The following SEC24B variants were observed in gnomAD, a reference collection of about 807,000 sequenced individuals.
SEC24B encodes the protein SEC24 homolog B, COPII component.
A neutral mutation model predicts 142.8 loss-of-function variants in SEC24B; 45 were observed. The observed-to-expected ratio is 0.32, with a 90% CI of 0.25 to 0.40. SEC24B has a LOEUF of 0.40. Among genes scored for constraint, SEC24B ranks in the 10% least tolerant of loss-of-function variants. The pLI is 1.00. For synonymous variants in SEC24B, 574 were observed against 568.2 expected (o/e 1.01, Z -0.15); for missense variants, 1,409 against 1,526.8 (o/e 0.92, Z 1.29).
chr4:109,528,664 T>G (rs916711772), intron 18 of SEC24B, among the ~76,000 whole-genome samples: 14 of 152,022 alleles, frequency 9.2e-5, no homozygotes, highest in African/African-American at 3.4e-4. Context: ...GTACTTAAAC[T>G]AATTATATGT....
At chr4:109,447,209 G>A (rs2125901203) in intron 1 of SEC24B, among the ~76,000 whole-genome samples, 1 of 152,182 alleles carries the variant, frequency 6.6e-6, no homozygotes, top group Admixed American at 6.5e-5. Flanking sequence ...AGCATGGCTT[G>A]AAAAAAATTT....
intron 6 of SEC24B, among the ~76,000 whole-genome samples, chr4:109,502,325 G>A (rs1174312746): frequency 6.6e-6 from 1 of 152,214 alleles, no homozygotes; most frequent in Non-Finnish European, 1.5e-5. Context: ...TTATGTAATA[G>A]GATGACATCT....
chr4:109,487,014 G>A (rs1578872478), intron 4 of SEC24B, among the ~76,000 whole-genome samples: 1 of 151,702 alleles, frequency 6.6e-6, no homozygotes, highest in African/African-American at 2.4e-5. Flanking sequence ...AAAATACAAA[G>A]ATTAGCCGGC....
At chr4:109,525,064 A>C in intron 15 of SEC24B, 123 bp downstream of exon 15, 1 of 873,914 alleles carries the variant, frequency 1.1e-6, no homozygotes, top group Non-Finnish European at 1.7e-6. Flanking sequence ...TAGATAGACA[A>C]TATCTATGAA....
At chr4:109,472,569 A>T (rs1239758835) in intron 2 of SEC24B, among the ~76,000 whole-genome samples, 1 of 151,828 alleles carries the variant, frequency 6.6e-6, no homozygotes, top group Admixed American at 6.6e-5. Flanking sequence ...CAGAGACCAC[A>T]TTATTGCAGA....
At chr4:109,514,081 G>C (rs892468591) in intron 10 of SEC24B, among the ~76,000 whole-genome samples, 6 of 152,160 alleles carry the variant, frequency 3.9e-5, no homozygotes, top group Non-Finnish European at 8.8e-5. Context: ...TCTGTCTTAT[G>C]ATGGGCACTA....
At chr4:109,478,446 A>G (rs1328078388) in intron 3 of SEC24B, among the ~76,000 whole-genome samples, 2 of 152,322 alleles carry the variant, frequency 1.3e-5, no homozygotes, top group Middle Eastern at 3.4e-3. Context: ...TATAGCTCAC[A>G]TTTATTTTGT....
chr4:109,534,572 G>A (rs192948596), intron 22 of SEC24B, among the ~76,000 whole-genome samples: 4 of 152,168 alleles, frequency 2.6e-5, no homozygotes, highest in Admixed American at 6.5e-5. Context: ...GGGTGACACA[G>A]CGAGACTCCA....
In SEC24B at chr4:109,463,361, T is replaced by C. The variant is rs148637147; in HGVS notation, c.594T>C (p.Tyr198=). The C allele has an allele frequency of 2.7e-5, 44 of 1,614,184 alleles. No homozygotes were observed. The highest frequency in any genetic ancestry group is 2.5e-4 in the Admixed American group (15 of 60,022). The change falls in exon 2 of 24, where the codon TAT becomes TAC. Residue 198 remains tyrosine (Y), a synonymous_variant. Coordinates refer to ENST00000265175, the MANE Select transcript of SEC24B (RefSeq NM_006323.5). ...VSNAAYPSVS[Y]PSLPAGDTYG... is the part of the protein sequence containing the mutation. ...ATGCCGCGTATCCTAGTGTTTCATA[T>C]CCCTCTCTGCCTGCTGGTGATACAT... is the stretch of plus-strand genomic sequence containing the variant.
intron 10 of SEC24B, among the ~76,000 whole-genome samples, chr4:109,514,456 G>C (rs1046089261): frequency 1.3e-5 from 2 of 152,064 alleles, no homozygotes; most frequent in Non-Finnish European, 2.9e-5. Context: ...CCCAGCACTT[G>C]CGGAGGCTGA....
intron 1 of SEC24B, among the ~76,000 whole-genome samples, chr4:109,453,545 T>C (rs1342398192): frequency 6.8e-6 from 1 of 147,284 alleles, no homozygotes; most frequent in Non-Finnish European, 1.5e-5. Context: ...AAGAGAAATA[T>C]GGCTCTGCCT....
intron 11 of SEC24B, 40 bp downstream of exon 11, chr4:109,516,680 T>TTA: frequency 2.7e-6 from 3 of 1,125,916 alleles, no homozygotes; most frequent in Non-Finnish European, 3.9e-6. Flanking sequence ...TATGTGTATG[T>TTA]TATATATATA....
intron 11 of SEC24B, among the ~76,000 whole-genome samples, chr4:109,519,628 G>A (rs1723390359): frequency 1.3e-5 from 2 of 152,136 alleles, no homozygotes; most frequent in Admixed American, 6.5e-5. Flanking sequence ...TTAGTCTGTG[G>A]AAACATCATA....
chr4:109,522,152 G>A lies in SEC24B; in HGVS notation c.2508+526G>A, dbSNP rs374800284. Among the ~76,000 whole-genome samples the A allele has an allele frequency of 4.6e-5, 7 of 151,766 alleles. No homozygotes were observed. In the East Asian group the frequency reaches 9.7e-4, roughly 21 times the overall value. Reference sequence around the variant, plus strand: ...CTGCAAGCTCTGCCTTCGGGTTCACGCCATTCTCCTGCCTCAGCCTCCCTA... The same window carrying A: ...CTGCAAGCTCTGCCTTCGGGTTCACACCATTCTCCTGCCTCAGCCTCCCTA... On this transcript the variant is annotated intron_variant, in intron 14 of 23. Coordinates refer to ENST00000265175, the MANE Select transcript of SEC24B (RefSeq NM_006323.5).
At chr4:109,478,453 T>A (rs893261214) in intron 3 of SEC24B, among the ~76,000 whole-genome samples, 6 of 152,170 alleles carry the variant, frequency 3.9e-5, no homozygotes, top group Admixed American at 2.6e-4. Flanking sequence ...CACATTTATT[T>A]TGTATTTAGT....
At chr4:109,434,492 T>C (rs1728204184) in intron 1 of SEC24B, among the ~76,000 whole-genome samples, 1 of 152,172 alleles carries the variant, frequency 6.6e-6, no homozygotes, top group Admixed American at 6.5e-5. Context: ...CCTTCCTGTC[T>C]CAGGAAAATT....
intron 9 of SEC24B, 78 bp from the exon 10 acceptor site, chr4:109,513,669 A>G (rs1737626480): frequency 2.6e-6 from 2 of 781,682 alleles, no homozygotes; most frequent in African/African-American, 1.7e-5. Context: ...TTGATAATAG[A>G]TATTTATTTT....
At chr4:109,434,677 G>C (rs1728230737) in intron 1 of SEC24B, among the ~76,000 whole-genome samples, 1 of 152,232 alleles carries the variant, frequency 6.6e-6, no homozygotes, top group African/African-American at 2.4e-5. Context: ...TTTGGAGTTT[G>C]CTTGTAGTGT....
intron 18 of SEC24B, among the ~76,000 whole-genome samples, chr4:109,528,683 A>C (rs1724544733): frequency 1.3e-5 from 2 of 152,232 alleles, no homozygotes; most frequent in African/African-American, 4.8e-5. Context: ...GTAAGTCTAA[A>C]AAAATCCTTT....
Sources: gnomAD v4.1 joint callset for allele counts (sites outside exome capture counted in the v4.1 genomes callset) on GRCh38, gnomAD v4.1.1 for gene constraint, MANE v1.5 for transcripts, NCBI Gene and HGNC (gene_info 2026-07-23, HGNC 2026-07-21) for gene names.